Variants in ITPR2 observed in about 807,000 individuals in gnomAD.
The protein encoded by ITPR2 is inositol 1,4,5-trisphosphate-gated calcium channel ITPR2.
Under a neutral mutation model 317.1 loss-of-function variants are expected in ITPR2, and 207 were observed. That is an observed-to-expected ratio of 0.65 (90% CI 0.58 to 0.73). The LOEUF (loss-of-function observed/expected upper bound fraction) is 0.73, where lower values mean the gene tolerates loss of function less well. ITPR2 is among the 30% of genes least tolerant of loss of function. The pLI is 0.00. For synonymous variants in ITPR2, 1,156 were observed against 1,149.1 expected, an observed-to-expected ratio of 1.01 and a Z score of -0.12; for missense variants, 2,613 against 3,284.0, an observed-to-expected ratio of 0.80 and a Z score of 4.99.
chr12:26,379,848 A>G (rs1939453347), intron 55 of ITPR2, among the ~76,000 whole-genome samples: 1 of 152,252 alleles, frequency 6.6e-6, no homozygotes, highest in Admixed American at 6.5e-5. Context: ...CTAAGAAATC[A>G]AACTTCAGAT....
At chr12:26,648,506 C>G (rs1334391509) in intron 21 of ITPR2, among the ~76,000 whole-genome samples, 1 of 138,248 alleles carries the variant, frequency 7.2e-6, no homozygotes, top group Non-Finnish European at 1.6e-5. Context: ...TATAAAACCA[C>G]TTTCTTTTTT....
chr12:26,454,740 G>A (rs1370233346), intron 45 of ITPR2, among the ~76,000 whole-genome samples: 1 of 152,040 alleles, frequency 6.6e-6, no homozygotes, highest in South Asian at 2.1e-4. Flanking sequence ...ATTGCTGCGG[G>A]GGTGGGGGTG....
At chr12:26,693,871 T>A (rs1288231213) in intron 10 of ITPR2, among the ~76,000 whole-genome samples, 1 of 152,232 alleles carries the variant, frequency 6.6e-6, no homozygotes, top group East Asian at 1.9e-4. Flanking sequence ...AGAGTTTCCA[T>A]CTGTCTGATC....
chr12:26,607,309 T>C lies in ITPR2; in HGVS notation c.3463-4603A>G, dbSNP rs1232375637. ...TCTATCCTCACCTCCCTTCAAAACA[T>C]GCAAAAAAAAATTTTAATAACCGGT... On this transcript the variant is annotated intron_variant, in intron 26 of 56. Transcript: ENST00000381340. Among the ~76,000 whole-genome samples the C allele has an allele frequency of 4.0e-5, 6 of 151,766 alleles. No individual in the cohort carries two copies. In the East Asian group the frequency reaches 1.2e-3, roughly 29 times the overall value.
At chr12:26,388,342 G>A (rs1939726469) in intron 54 of ITPR2, among the ~76,000 whole-genome samples, 1 of 152,172 alleles carries the variant, frequency 6.6e-6, no homozygotes, top group Non-Finnish European at 1.5e-5. Context: ...GTGGGATGTT[G>A]GGATTCAGTT....
At chr12:26,430,673 T>A (rs970879889) in intron 48 of ITPR2, among the ~76,000 whole-genome samples, 1 of 152,266 alleles carries the variant, frequency 6.6e-6, no homozygotes, top group Non-Finnish European at 1.5e-5. Flanking sequence ...ATAAACATGA[T>A]ATTATTTTAA....
At chr12:26,702,286 G>A (rs1472691741) in intron 9 of ITPR2, among the ~76,000 whole-genome samples, 1 of 149,956 alleles carries the variant, frequency 6.7e-6, no homozygotes, top group Non-Finnish European at 1.5e-5. Flanking sequence ...CTAATAATAT[G>A]CTCTGTATTA....
intron 2 of ITPR2, among the ~76,000 whole-genome samples, chr12:26,749,538 T>A (rs1461622032): frequency 1.3e-5 from 2 of 152,208 alleles, no homozygotes; most frequent in Non-Finnish European, 1.5e-5. Flanking sequence ...GAGTATTGTG[T>A]CAGGGTTGTA....
chr12:26,464,202 C>T (rs61914409), intron 45 of ITPR2, among the ~76,000 whole-genome samples: 13,997 of 152,014 alleles, frequency 0.092, 1,363 homozygotes, highest in African/African-American at 0.23. Context: ...ATGAATCAAC[C>T]ACATTATATT....
At chr12:26,485,399 TTC>T (rs1942643022) in intron 41 of ITPR2, among the ~76,000 whole-genome samples, 1 of 152,192 alleles carries the variant, frequency 6.6e-6, no homozygotes, top group African/African-American at 2.4e-5. Context: ...ATACATCTAT[TTC>T]CTACACTGCC....
intron 2 of ITPR2, among the ~76,000 whole-genome samples, chr12:26,731,438 G>C (rs991801534): frequency 6.6e-6 from 1 of 152,188 alleles, no homozygotes; most frequent in South Asian, 2.1e-4. Flanking sequence ...AAAATGGAAA[G>C]TGGTTAAAAA....
At chr12:26,684,679 G>A (rs1042432776) in intron 11 of ITPR2, among the ~76,000 whole-genome samples, 2 of 152,160 alleles carry the variant, frequency 1.3e-5, no homozygotes, top group African/African-American at 4.8e-5. Context: ...AAAAGTAATA[G>A]ATTAATTATT....
chr12:26,513,380 A>G (rs1943407292), intron 37 of ITPR2, among the ~76,000 whole-genome samples: 1 of 152,156 alleles, frequency 6.6e-6, no homozygotes, highest in South Asian at 2.1e-4. Context: ...TATTCTTTTT[A>G]TTCTGGAAAA....
At chr12:26,740,613 G>T (rs965340700) in intron 2 of ITPR2, among the ~76,000 whole-genome samples, 3 of 152,120 alleles carry the variant, frequency 2.0e-5, no homozygotes, top group African/African-American at 7.2e-5. Flanking sequence ...AAAACTCAAG[G>T]AAGATAAACT....
At chr12:26,576,000 G>T (rs1367704153) in intron 34 of ITPR2, among the ~76,000 whole-genome samples, 2 of 152,178 alleles carry the variant, frequency 1.3e-5, no homozygotes, top group African/African-American at 4.8e-5. Context: ...GGAACAAGAG[G>T]AGAGAGAAAG....
chr12:26,698,968 T>C (rs796509900), intron 9 of ITPR2, among the ~76,000 whole-genome samples: 10 of 151,690 alleles, frequency 6.6e-5, no homozygotes, highest in African/African-American at 2.4e-4. Context: ...TTTTTAAAAA[T>C]TTATTTGTCT....
chr12:26,384,086 T>C (rs1307073760), intron 55 of ITPR2, among the ~76,000 whole-genome samples: 2 of 152,224 alleles, frequency 1.3e-5, no homozygotes, highest in African/African-American at 4.8e-5. Context: ...AGAAAATGTC[T>C]GGAAGATTTC....
At chr12:26,654,193 A>C in intron 20 of ITPR2, 67 bp from the exon 21 acceptor site, 1 of 1,285,570 alleles carries the variant, frequency 7.8e-7, no homozygotes. Flanking sequence ...GGGTACTGAA[A>C]TAAACATTGG....
At chr12:26,742,680 G>T (rs374692715) in intron 2 of ITPR2, among the ~76,000 whole-genome samples, 1 of 152,052 alleles carries the variant, frequency 6.6e-6, no homozygotes, top group African/African-American at 2.4e-5. Context: ...CGGGAGTGGT[G>T]GCGGGTGCCT....
Sources: gnomAD v4.1 joint callset for allele counts (sites outside exome capture counted in the v4.1 genomes callset) on GRCh38, gnomAD v4.1.1 for gene constraint, MANE v1.5 for transcripts, NCBI Gene and HGNC (gene_info 2026-07-23, HGNC 2026-07-21) for gene names.